The following C4orf51 variants were observed in gnomAD, a reference collection of about 807,000 sequenced individuals.
The protein encoded by C4orf51 is uncharacterized protein C4orf51.
A neutral mutation model predicts 25.2 loss-of-function variants in C4orf51; 25 were observed. That is an observed-to-expected ratio of 0.99 (90% CI 0.72 to 1.39). C4orf51 has a LOEUF of 1.39. Among genes scored for constraint, C4orf51 ranks in the 40% most tolerant of loss-of-function variants. C4orf51 has a pLI of 0.00. For synonymous variants in C4orf51, 100 were observed against 84.5 expected, an observed-to-expected ratio of 1.18 and a Z score of -1.01; for missense variants, 252 against 239.6, an observed-to-expected ratio of 1.05 and a Z score of -0.34.
chr4:145,726,928 A>T lies in C4orf51; in HGVS notation c.325A>T (p.Thr109Ser). ...GCATGCAGGACTATTCCCTGATATA[A>T]CCAGGCCCTTTAAAAAGTCATTTGA... Reference protein sequence around the residue: ...TDIKGLFPDITRPFKKSFDVK... With the variant: ...TDIKGLFPDISRPFKKSFDVK... Residue 109 changes from threonine to serine, a missense_variant, in exon 3 of 6, where the codon ACC becomes TCC. Thr to Ser is a moderately conservative substitution (Grantham distance 58). Coordinates refer to ENST00000438731, the MANE Select transcript of C4orf51 (RefSeq NM_001080531.3). The T allele has an allele frequency of 6.2e-7, 1 of 1,613,586 alleles. No individual in the cohort carries two copies. Among genetic ancestry groups the T allele is most frequent in the Non-Finnish European group, 8.5e-7 (1 of 1,179,542 alleles).
rs908474684 is a variant in C4orf51, at chr4:145,685,746, C to G, written c.233+5310C>G. Reference sequence around the variant, plus strand: ...TTTCATTTCTGCCTTTTAGTTTTTACTTTTTCTTTCTTTGGAGGCAGAAAT... The same window carrying G: ...TTTCATTTCTGCCTTTTAGTTTTTAGTTTTTCTTTCTTTGGAGGCAGAAAT... On this transcript the variant is annotated intron_variant, in intron 1 of 5. Coordinates refer to ENST00000438731, the MANE Select transcript of C4orf51 (RefSeq NM_001080531.3). Among the ~76,000 whole-genome samples, 45 of 152,182 alleles carry G rather than the reference C, an allele frequency of 3.0e-4. 1 individual carries two copies. Among genetic ancestry groups the G allele is most frequent in the African/African-American group, 1.0e-3 (42 of 41,518 alleles).
At chr4:145,752,997 G>A (rs973879283) in intron 1 of C4orf51, among the ~76,000 whole-genome samples, 3 of 152,154 alleles carry the variant, frequency 2.0e-5, no homozygotes, top group Non-Finnish European at 4.4e-5. Flanking sequence ...TGCGTGCCAC[G>A]TGGCCGCTGC....
At chr4:145,778,576 C>G in the C4orf51 span, among the ~76,000 whole-genome samples, 1 of 152,144 alleles carries the variant, frequency 6.6e-6, no homozygotes, top group Non-Finnish European at 1.5e-5. Context: ...GCAGCCACTG[C>G]ACTCCAGTCT....
intron 2 of C4orf51, among the ~76,000 whole-genome samples, chr4:145,721,624 A>G (rs1456551710): frequency 6.6e-6 from 1 of 152,226 alleles, no homozygotes; most frequent in African/African-American, 2.4e-5. Flanking sequence ...ATTCAAGTGT[A>G]AGGCAACAGT....
At chr4:145,690,543 T>C (rs1298445314) in intron 1 of C4orf51, among the ~76,000 whole-genome samples, 1 of 151,896 alleles carries the variant, frequency 6.6e-6, no homozygotes, top group Non-Finnish European at 1.5e-5. Context: ...AGAAAACACC[T>C]AGGTAACACT....
At chr4:145,705,960 C>A (rs1184556955) in intron 2 of C4orf51, among the ~76,000 whole-genome samples, 6 of 152,082 alleles carry the variant, frequency 3.9e-5, no homozygotes, top group East Asian at 1.9e-4. Context: ...CCAATATGTG[C>A]CCAGAATTAG....
intron 4 of C4orf51, among the ~76,000 whole-genome samples, chr4:145,729,596 C>G (rs765484977): frequency 1.3e-5 from 2 of 152,136 alleles, no homozygotes; most frequent in African/African-American, 4.8e-5. Context: ...CCACCATGCC[C>G]GGTCCTTTCA....
chr4:145,731,465 C>G (rs931770558), intron 5 of C4orf51, among the ~76,000 whole-genome samples: 3 of 151,478 alleles, frequency 2.0e-5, no homozygotes, highest in Non-Finnish European at 4.4e-5. Flanking sequence ...CACACACACA[C>G]CACACAATTA....
chr4:145,682,062 C>T (rs902399225), intron 1 of C4orf51, among the ~76,000 whole-genome samples: 8 of 152,064 alleles, frequency 5.3e-5, no homozygotes, highest in African/African-American at 1.7e-4. Flanking sequence ...GAAAAAAATG[C>T]AGGAATAGGA....
At chr4:145,732,310 G>C (rs1732520904) in intron 5 of C4orf51, 143 bp from the exon 6 acceptor site, 11 of 590,722 alleles carry the variant, frequency 1.9e-5, no homozygotes, top group Non-Finnish European at 3.4e-5. Flanking sequence ...AAGGTTAAGA[G>C]AGATGGAAGA....
Position 145,763,098 on chromosome 4 carries a change from G to T in C4orf51, n.167-7890G>T. On this transcript the variant is annotated intron_variant and non_coding_transcript_variant, in intron 1 of 1. Transcript: ENST00000510096. The surrounding 1 kb of genome is among the most constrained non-coding windows in gnomAD (Gnocchi z 4.6). ...GCCAAGCTGGGCCTTACCTAGAGGA[G>T]TCTGAAACTCACCACTGTCCTGAGC... The T allele has an allele frequency of 6.5e-7, 1 of 1,536,082 alleles. No individual in the cohort carries two copies.
At chr4:145,732,419 A>G in intron 5 of C4orf51, 34 bp from the exon 6 acceptor site, 1 of 1,369,696 alleles carries the variant, frequency 7.3e-7, no homozygotes, top group Non-Finnish European at 1.0e-6. Flanking sequence ...TTTGCGGATG[A>G]GCGAGTGTTG....
At chr4:145,753,750 A>G (rs549091327) in intron 1 of C4orf51, among the ~76,000 whole-genome samples, 12 of 152,186 alleles carry the variant, frequency 7.9e-5, no homozygotes, top group African/African-American at 2.6e-4. Flanking sequence ...ACTTGTCCCT[A>G]TCAGCCCTGT....
Position 145,765,101 on chromosome 4 carries a change from C to G in C4orf51, n.167-5887C>G. On this transcript the variant is annotated intron_variant and non_coding_transcript_variant, in intron 1 of 1. Coordinates refer to the C4orf51 transcript ENST00000510096. This position sits in a 1 kb window ranked among gnomAD's most constrained non-coding sequence, Gnocchi z 4.7. ...CAAACATCCGGGTGATGAGGTGTAT[C>G]TGCAGATGACGCTCAAACATGTTCT... 1.9e-6 allele frequency: 3 copies of G among 1,614,160 alleles called. No homozygotes were observed. The highest frequency in any genetic ancestry group is 2.5e-6 in the Non-Finnish European group (3 of 1,180,032).
intron 2 of C4orf51, among the ~76,000 whole-genome samples, chr4:145,722,307 T>G (rs1239761635): frequency 6.6e-6 from 1 of 152,204 alleles, no homozygotes; most frequent in Non-Finnish European, 1.5e-5. Flanking sequence ...ACTTATTTGC[T>G]GGAATGTTGA....
At chr4:145,725,017 C>G (rs1272248567) in intron 2 of C4orf51, among the ~76,000 whole-genome samples, 2 of 150,094 alleles carry the variant, frequency 1.3e-5, no homozygotes, top group Non-Finnish European at 3.0e-5. Flanking sequence ...ACACAATAGA[C>G]TTTGTGGACT....
chr4:145,702,600 C>T (rs1267622888), intron 2 of C4orf51, among the ~76,000 whole-genome samples: 1 of 152,186 alleles, frequency 6.6e-6, no homozygotes, highest in Non-Finnish European at 1.5e-5. Flanking sequence ...TCCAAGCCAT[C>T]ACAGCTGATA....
At chr4:145,764,996 A>G in intron 1 of C4orf51, 2 of 1,612,842 alleles carry the variant, frequency 1.2e-6, no homozygotes, top group Non-Finnish European at 1.7e-6. Flanking sequence ...ACTTGAGCCC[A>G]CCGGTGGGGA....
intron 5 of C4orf51, 80 bp from the exon 6 acceptor site, chr4:145,732,373 A>T: frequency 1.2e-6 from 1 of 814,902 alleles, no homozygotes; most frequent in Non-Finnish European, 2.1e-6. Flanking sequence ...GGTTTGGAAG[A>T]GACCATTTAA....
Sources: gnomAD v4.1 joint callset for allele counts (sites outside exome capture counted in the v4.1 genomes callset) on GRCh38, gnomAD v4.1.1 for gene constraint, Gnocchi (gnomAD v3.1) non-coding constraint, MANE v1.5 for transcripts, NCBI Gene and HGNC (gene_info 2026-07-23, HGNC 2026-07-21) for gene names.